The following TMEM131 variants were observed in gnomAD, a reference collection of about 807,000 sequenced individuals.
The protein encoded by TMEM131 is transmembrane protein 131, also known as 2610524E03Rik.
A neutral mutation model predicts 211.6 loss-of-function variants in TMEM131; 66 were observed. The ratio of observed to expected loss-of-function variants is 0.31; its 90% CI spans 0.26 to 0.38. TMEM131 has a LOEUF of 0.38. Ranked by LOEUF, TMEM131 falls within the 10% of genes least tolerant of loss-of-function variation. The pLI, the probability that TMEM131 is intolerant of heterozygous loss-of-function variation, is 1.00. For missense variants in TMEM131, 2,036 were observed against 2,299.3 expected (o/e 0.89, Z 2.34); for synonymous variants, 844 against 841.3 (o/e 1.00, Z -0.06).
In TMEM131 at chr2:97,829,097, T is replaced by C. The variant is rs117133371; in HGVS notation, c.1074+4268A>G. 3.4e-3 allele frequency among the ~76,000 whole-genome samples: 524 copies of C among 152,288 alleles called. 8 individuals are homozygous for C. In the East Asian group the frequency reaches 0.042, roughly 12 times the overall value. ...CACTGCAGGGTCCCTTCTTTGCCCT[T>C]ATCCAGTAGGAAGTAGCTAGAATGA... On this transcript the variant is annotated intron_variant, in intron 11 of 40. Coordinates refer to ENST00000186436, the MANE Select transcript of TMEM131 (RefSeq NM_015348.2).
intron 1 of TMEM131, among the ~76,000 whole-genome samples, chr2:97,964,609 G>C (rs978471313): frequency 2.0e-5 from 3 of 152,150 alleles, no homozygotes; most frequent in Admixed American, 1.3e-4. Flanking sequence ...CTGCAATCAA[G>C]ATTTTTCCTT....
At chr2:97,797,180 T>G (rs1233655709) in intron 26 of TMEM131, among the ~76,000 whole-genome samples, 185 bp downstream of exon 26, 1 of 152,242 alleles carries the variant, frequency 6.6e-6, no homozygotes. Flanking sequence ...TAAGACACCA[T>G]TCATGTTTTT....
At chr2:97,956,131 A>T (rs183699830) in intron 1 of TMEM131, among the ~76,000 whole-genome samples, 146 of 152,328 alleles carry the variant, frequency 9.6e-4, no homozygotes, top group African/African-American at 3.3e-3. Context: ...TACCTGAGAG[A>T]GTGTGACATT....
chr2:97,831,351 C>T (rs376765788), intron 11 of TMEM131, among the ~76,000 whole-genome samples: 4 of 152,164 alleles, frequency 2.6e-5, no homozygotes, highest in Non-Finnish European at 5.9e-5. Flanking sequence ...GGTAGGGAAC[C>T]CCAGTGGTCT....
chr2:97,925,556 T>A (rs1415025380), intron 2 of TMEM131, among the ~76,000 whole-genome samples: 1 of 152,184 alleles, frequency 6.6e-6, no homozygotes. Flanking sequence ...TCATAACAAG[T>A]GCAAACCCAT....
intron 3 of TMEM131, among the ~76,000 whole-genome samples, chr2:97,890,933 T>C (rs1230436239): frequency 6.6e-6 from 1 of 152,242 alleles, no homozygotes. Flanking sequence ...ACATCAAATA[T>C]GATTCCCTCA....
chr2:97,914,084 A>G (rs1407364238), intron 2 of TMEM131, among the ~76,000 whole-genome samples: 7 of 152,158 alleles, frequency 4.6e-5, no homozygotes, highest in Non-Finnish European at 1.0e-4. Context: ...TTCTCTGCAA[A>G]TCATCTCATA....
In TMEM131 at chr2:97,809,685, T is replaced by C. The variant is rs375942930; in HGVS notation, c.2055+3A>G. On this transcript the variant is annotated splice_donor_region_variant and intron_variant, in intron 19 of 40. Coordinates refer to ENST00000186436, the MANE Select transcript of TMEM131 (RefSeq NM_015348.2). ...AGAAAAATGTGTGTATTAATGGTCT[T>C]ACTGGAAAGGAAGGTGGAAGAACCA... 2.0e-5 allele frequency: 32 copies of C among 1,608,222 alleles called. No individual in the cohort carries two copies. In the African/African-American group the frequency reaches 3.7e-4, roughly 19 times the overall value.
chr2:97,952,153 T>C (rs1174164462), intron 1 of TMEM131, among the ~76,000 whole-genome samples: 1 of 143,480 alleles, frequency 7.0e-6, no homozygotes, highest in African/African-American at 2.6e-5. Flanking sequence ...CGAGACTCCA[T>C]CTCCAAAAAA....
At chr2:97,853,955 C>T (rs1394742645) in intron 5 of TMEM131, among the ~76,000 whole-genome samples, 1 of 152,200 alleles carries the variant, frequency 6.6e-6, no homozygotes, top group Admixed American at 6.5e-5. Flanking sequence ...TAGAATACTA[C>T]ATAAACTTAG....
chr2:97,778,730 C>T (rs1035137113), intron 31 of TMEM131, among the ~76,000 whole-genome samples: 4 of 152,316 alleles, frequency 2.6e-5, no homozygotes, highest in Non-Finnish European at 5.9e-5. Context: ...TATCATTCCT[C>T]ATTCTACATG....
intron 28 of TMEM131, 40 bp from the exon 29 acceptor site, chr2:97,795,155 T>C (rs1404854627): frequency 3.3e-5 from 49 of 1,499,552 alleles, no homozygotes; most frequent in Non-Finnish European, 4.3e-5. Flanking sequence ...GTTTTAAAAA[T>C]ATCTCACAAG....
In TMEM131 at chr2:97,797,421, G is replaced by A. The variant is rs1369219530; in HGVS notation, c.2814C>T (p.Val938=). The A allele has an allele frequency of 6.2e-7, 1 of 1,612,672 alleles. No homozygotes were observed. Among genetic ancestry groups the A allele is most frequent in the Non-Finnish European group, 8.5e-7 (1 of 1,179,588 alleles). ...LILKPGEKKS[V]KVKFTPVHNR... ...TGTGAACTGGAGTAAACTTTACTTTGACAGATTTCTTTTCTCCAGGTTTTA... is the reference window on the plus strand; with the variant it reads ...TGTGAACTGGAGTAAACTTTACTTTAACAGATTTCTTTTCTCCAGGTTTTA... Residue 938 remains valine, a synonymous_variant, in exon 26 of 41, where the codon GTC becomes GTT. Coordinates refer to ENST00000186436, the MANE Select transcript of TMEM131 (RefSeq NM_015348.2).
In TMEM131 at chr2:97,930,084, G is replaced by C. The variant is rs146921414; in HGVS notation, c.188-2597C>G. 2.0e-5 allele frequency among the ~76,000 whole-genome samples: 3 copies of C among 151,742 alleles called. No individual in the cohort carries two copies. In the East Asian group the frequency reaches 5.8e-4, roughly 29 times the overall value. Reference sequence around the variant, plus strand: ...TTCACAGGATCCAGAGAATTTTTTGGTTATTCCCTACTGAAGACAAATTTA... The same window carrying C: ...TTCACAGGATCCAGAGAATTTTTTGCTTATTCCCTACTGAAGACAAATTTA... On this transcript the variant is annotated intron_variant, in intron 1 of 40. Coordinates refer to ENST00000186436, the MANE Select transcript of TMEM131 (RefSeq NM_015348.2).
At chr2:97,965,872 C>T (rs564734120) in intron 1 of TMEM131, among the ~76,000 whole-genome samples, 1 of 151,844 alleles carries the variant, frequency 6.6e-6, no homozygotes, top group Non-Finnish European at 1.5e-5. Flanking sequence ...CTGAAATTCA[C>T]ATAAAGGTAG....
At chr2:97,893,471 T>C (rs1417476611) in intron 3 of TMEM131, among the ~76,000 whole-genome samples, 1 of 152,182 alleles carries the variant, frequency 6.6e-6, no homozygotes, top group African/African-American at 2.4e-5. Flanking sequence ...CACCACACTG[T>C]CTTCCACAAT....
chr2:97,922,759 G>A (rs1414583569), intron 2 of TMEM131, among the ~76,000 whole-genome samples: 1 of 152,200 alleles, frequency 6.6e-6, no homozygotes, highest in Non-Finnish European at 1.5e-5. Flanking sequence ...GTAGTAACTA[G>A]GAGAGAGCTT....
chr2:97,759,391 C>G, intron 39 of TMEM131: 1 of 526,734 alleles, frequency 1.9e-6, no homozygotes, highest in South Asian at 2.6e-5. Context: ...GACCAGAACC[C>G]TTCTGTGAAG....
chr2:97,960,479 GT>G (rs1194938184), intron 1 of TMEM131, among the ~76,000 whole-genome samples: 2 of 151,410 alleles, frequency 1.3e-5, no homozygotes, highest in African/African-American at 4.9e-5. Flanking sequence ...TTTTTGTGTT[GT>G]TCTAACTTGT....
Sources: gnomAD v4.1 joint callset for allele counts (sites outside exome capture counted in the v4.1 genomes callset) on GRCh38, gnomAD v4.1.1 for gene constraint, MANE v1.5 for transcripts, NCBI Gene and HGNC (gene_info 2026-07-23, HGNC 2026-07-21) for gene names.